Variants in LRRFIP2 observed in about 807,000 individuals in gnomAD.
LRRFIP2 encodes the protein leucine-rich repeat flightless-interacting protein 2.
In LRRFIP2, 109 loss-of-function variants were observed where a neutral mutation model predicts 125.9. The ratio of observed to expected loss-of-function variants is 0.87; its 90% confidence interval spans 0.74 to 1.01. The LOEUF (loss-of-function observed/expected upper bound fraction) is 1.01, where lower values mean the gene tolerates loss of function less well. Ranked by LOEUF, LRRFIP2 falls within the 50% of genes least tolerant of loss-of-function variation. The pLI, the probability that LRRFIP2 is intolerant of heterozygous loss-of-function variation, is 0.00. For synonymous variants in LRRFIP2, 291 were observed against 293.1 expected (o/e 0.99, Z 0.07); for missense variants, 850 against 862.3 (o/e 0.99, Z 0.18).
intron 25 of LRRFIP2, among the ~76,000 whole-genome samples, chr3:37,058,241 G>A (rs944079709): frequency 1.4e-4 from 22 of 152,304 alleles, no homozygotes; most frequent in African/African-American, 5.3e-4. Context: ...TATCCAGAAA[G>A]GGTAAGAGCA....
chr3:37,106,062 C>G (rs1352271683), intron 13 of LRRFIP2, among the ~76,000 whole-genome samples: 1 of 152,104 alleles, frequency 6.6e-6, no homozygotes, highest in East Asian at 1.9e-4. Flanking sequence ...AAGACACCAC[C>G]TCAAAAAATT....
In LRRFIP2 at chr3:37,109,507, T is replaced by C; in HGVS notation, c.609+20A>G. On this transcript the variant is annotated intron_variant, in intron 11 of 27. Transcript: ENST00000336686. ...TTGACCCCACCAGCACTGCACACACTGGAAGAGGAAAATACAAACCAGACT... is the reference window on the plus strand; with the variant it reads ...TTGACCCCACCAGCACTGCACACACCGGAAGAGGAAAATACAAACCAGACT... The C allele has an allele frequency of 1.2e-6, 2 of 1,613,606 alleles. No homozygotes were observed. The highest frequency in any genetic ancestry group is 2.2e-5 in the East Asian group (1 of 44,866).
In LRRFIP2 at chr3:37,055,138, T is replaced by C; in HGVS notation, c.1898A>G (p.Tyr633Cys). Residue 633 changes from tyrosine to cysteine, a missense_variant, in exon 26 of 28, where the codon TAC becomes TGC. Physicochemically the swap from Tyr to Cys is radical, Grantham distance 194 (BLOSUM62 -2). Transcript: ENST00000336686. ...QRDANRQISE[Y>C]KFKLSKAEQD... ...TTCTGCTTTTGAAAGCTTAAATTTG[T>C]ATTCGCTAATTTGTCTATTGGCATC... 6.3e-7 allele frequency: 1 copy of C among 1,594,116 alleles called. No individual in the cohort carries two copies. The highest frequency in any genetic ancestry group is 2.3e-5 in the East Asian group (1 of 44,228).
chr3:37,101,351 C>T (rs534665326), intron 15 of LRRFIP2, among the ~76,000 whole-genome samples: 50 of 129,834 alleles, frequency 3.9e-4, no homozygotes, highest in African/African-American at 1.2e-3. Flanking sequence ...AGTGAGACTC[C>T]GTCTCAAAAA....
At chr3:37,078,945 G>A (rs2092381374) in intron 19 of LRRFIP2, among the ~76,000 whole-genome samples, 1 of 152,168 alleles carries the variant, frequency 6.6e-6, no homozygotes, top group African/African-American at 2.4e-5. Flanking sequence ...GATATCAAAT[G>A]CTTGAATTTA....
intron 1 of LRRFIP2, among the ~76,000 whole-genome samples, chr3:37,156,657 G>C (rs1269979115): frequency 9.7e-5 from 10 of 103,562 alleles, no homozygotes; most frequent in Middle Eastern, 0.013. Context: ...CTGGGCGACA[G>C]AGCGAGACTC....
intron 1 of LRRFIP2, among the ~76,000 whole-genome samples, chr3:37,154,378 C>T (rs1201838426): frequency 6.6e-6 from 1 of 152,196 alleles, no homozygotes; most frequent in Non-Finnish European, 1.5e-5. Flanking sequence ...AATTTTGTTT[C>T]TGATCCTAAA....
chr3:37,156,229 C>CA (rs1017844155), intron 1 of LRRFIP2, among the ~76,000 whole-genome samples: 46 of 152,176 alleles, frequency 3.0e-4, no homozygotes, highest in Admixed American at 1.9e-3. Context: ...CCTGTAATCC[C>CA]AGCACTCTGC....
At chr3:37,078,499 G>C (rs1193898692) in intron 19 of LRRFIP2, among the ~76,000 whole-genome samples, 2 of 152,180 alleles carry the variant, frequency 1.3e-5, no homozygotes, top group Admixed American at 1.3e-4. Context: ...GAATTGTAGT[G>C]TAGGGGAAAC....
intron 2 of LRRFIP2, chr3:37,134,721 T>C: frequency 1.3e-6 from 1 of 777,336 alleles, no homozygotes; most frequent in Non-Finnish European, 2.3e-6. Context: ...AGCACAATGT[T>C]CTGCAGGTCC....
At chr3:37,055,025 G>T in intron 26 of LRRFIP2, 61 bp downstream of exon 26, 1 of 1,113,724 alleles carries the variant, frequency 9.0e-7, no homozygotes, top group Non-Finnish European at 1.3e-6. Flanking sequence ...CTCATGGGTT[G>T]TTAGCCACTT....
Position 37,075,016 on chromosome 3 carries a change from G to GTACA in LRRFIP2, c.1371+4_1371+7dup. 1 of 1,599,062 alleles carries GTACA rather than the reference G, an allele frequency of 6.3e-7. No homozygotes were observed. Among genetic ancestry groups the GTACA allele is most frequent in the Non-Finnish European group, 8.6e-7 (1 of 1,167,658 alleles). ...AAAATTAAGTATTCCCACAGTTCAT[G>GTACA]TACATACCTCAATAAGCTCATCTCT... On this transcript the variant is annotated splice_region_variant and intron_variant, in intron 20 of 27. Transcript: ENST00000336686.
rs74839548 is a variant in LRRFIP2, at chr3:37,156,701, A to G, written c.-55-7663T>C. 4.2e-3 allele frequency among the ~76,000 whole-genome samples: 632 copies of G among 149,122 alleles called. 3 individuals are homozygous for G. Among genetic ancestry groups the G allele is most frequent in the African/African-American group, 0.015 (584 of 40,230 alleles). ...AAAAAAAAAAAAAAAAAAAAAAAAA[A>G]AAGAAGTGTGGATGACTAGGTGAAA... On this transcript the variant is annotated intron_variant, in intron 1 of 27. Coordinates refer to ENST00000336686, the MANE Select transcript of LRRFIP2 (RefSeq NM_006309.4).
At chr3:37,065,305 G>A (rs959321909) in intron 23 of LRRFIP2, 3 of 252,074 alleles carry the variant, frequency 1.2e-5, no homozygotes, top group Non-Finnish European at 2.4e-5. Context: ...TAGACTTTAA[G>A]AGTCTGGGAA....
At chr3:37,079,878 TATAG>T (rs2092472617) in intron 19 of LRRFIP2, among the ~76,000 whole-genome samples, 1 of 152,122 alleles carries the variant, frequency 6.6e-6, no homozygotes, top group Non-Finnish European at 1.5e-5. Context: ...TAGGGAACTC[TATAG>T]ATAGAAAGTA....
rs141467077 is a variant in LRRFIP2 at position 37,072,734 on chromosome 3, T to G, written c.1464+56A>C. 134 of 1,025,354 alleles carry G rather than the reference T, an allele frequency of 1.3e-4. No homozygotes were observed. In the East Asian group the frequency reaches 3.2e-3, roughly 24 times the overall value. The allele number at this position is 1,025,354 out of a possible 1,614,324, so 63.5% of individuals were successfully genotyped here. On this transcript the variant is annotated intron_variant, in intron 21 of 27. Transcript: ENST00000336686. ...AGGTTTTTTCAATCTCTAGGTTAAA[T>G]TCTACTGTAGTCCTCATCAATGAGC...
At chr3:37,167,210 A>G (rs1242754193) in intron 1 of LRRFIP2, among the ~76,000 whole-genome samples, 18 of 150,160 alleles carry the variant, frequency 1.2e-4, no homozygotes, top group African/African-American at 2.4e-4. Flanking sequence ...AAAAAAAAAA[A>G]AAAGAAAGAA....
intron 15 of LRRFIP2, among the ~76,000 whole-genome samples, chr3:37,100,343 T>C (rs1383371878): frequency 2.0e-5 from 3 of 151,802 alleles, no homozygotes; most frequent in South Asian, 4.2e-4. Flanking sequence ...AATATATGTA[T>C]GTATGCGTAT....
chr3:37,121,736 AGTT>A, intron 4 of LRRFIP2, 45 bp from the exon 5 acceptor site: 3 of 1,583,660 alleles, frequency 1.9e-6, no homozygotes, highest in Non-Finnish European at 1.7e-6. Context: ...CTGAATAGAC[AGTT>A]GTTTATCAGA....
Sources: allele counts gnomAD v4.1 joint callset (sites outside exome capture counted in the v4.1 genomes callset), GRCh38; gene constraint gnomAD v4.1.1; transcripts MANE v1.5; gene names NCBI Gene and HGNC (gene_info 2026-07-23, HGNC 2026-07-21).